The following NFIA variants were observed in gnomAD, a reference collection of about 807,000 sequenced individuals.
NFIA encodes nuclear factor I A, also known as nuclear factor 1 A-type.
NFIA carries 8 observed loss-of-function variants against 62.8 expected under a neutral mutation model. The ratio of observed to expected loss-of-function variants is 0.13; its 90% confidence interval spans 0.07 to 0.23. The LOEUF (loss-of-function observed/expected upper bound fraction) is 0.23, where lower values mean the gene tolerates loss of function less well. Among genes scored for constraint, NFIA ranks in the 10% least tolerant of loss-of-function variants. The probability of loss-of-function intolerance (pLI) is 1.00; values close to 1 mark genes in which losing one functional copy is unlikely to be tolerated. For missense variants in NFIA, 410 were observed against 642.1 expected, an observed-to-expected ratio of 0.64 and a Z score of 3.91; for synonymous variants, 235 against 238.1, an observed-to-expected ratio of 0.99 and a Z score of 0.12.
chr1:61,303,119 T>C (rs778304062), intron 3 of NFIA, among the ~76,000 whole-genome samples: 4 of 152,246 alleles, frequency 2.6e-5, no homozygotes, highest in Non-Finnish European at 5.9e-5. Flanking sequence ...TGTCTGCTTT[T>C]CATCTTCATT....
At chr1:61,083,941 T>C (rs1646171856) in intron 1 of NFIA, among the ~76,000 whole-genome samples, 1 of 151,940 alleles carries the variant, frequency 6.6e-6, no homozygotes, top group Non-Finnish European at 1.5e-5. Flanking sequence ...AGGCAAAATA[T>C]TGCTACTTCG....
At chr1:61,283,354 T>A (rs1658253933) in intron 3 of NFIA, among the ~76,000 whole-genome samples, 2 of 151,166 alleles carry the variant, frequency 1.3e-5, no homozygotes, top group Non-Finnish European at 2.9e-5. Context: ...GTGGATCACT[T>A]GAGGTCAGGA....
intron 2 of NFIA, among the ~76,000 whole-genome samples, chr1:61,196,776 T>A (rs139365633): frequency 0.012 from 1,870 of 152,264 alleles, 20 homozygotes; most frequent in Middle Eastern, 0.058. Flanking sequence ...TTTGTTGATA[T>A]CCAAAAATTA....
intron 3 of NFIA, among the ~76,000 whole-genome samples, chr1:61,293,473 T>TA (rs1202906132): frequency 1.3e-5 from 2 of 152,234 alleles, no homozygotes; most frequent in African/African-American, 4.8e-5. Flanking sequence ...CAGTTTCAAA[T>TA]ACGCCAGTCA....
upstream of NFIA, chr1:61,082,544 G>A (rs1646125359): frequency 7.0e-7 from 1 of 1,438,216 alleles, no homozygotes; most frequent in African/African-American, 1.4e-5. Context: ...ATAGTGGAGT[G>A]TAGGGAAACT....
At position 61,303,503 on chromosome 1, in the gene NFIA, G is replaced by C. The variant is rs182939387; in HGVS notation, c.625+25918G>C. 3.9e-5 allele frequency among the ~76,000 whole-genome samples: 6 copies of C among 152,292 alleles called. No homozygotes were observed. The East Asian group carries it at 1.2e-3, about 29-fold the overall frequency. ...GCCACAAACACATTGCTAAGAAGTT[G>C]ACATTTGAACAAGACCTAGAAAAGG... On this transcript the variant is annotated intron_variant, in intron 3 of 10. Coordinates refer to ENST00000403491, the MANE Select transcript of NFIA (RefSeq NM_001134673.4).
chr1:61,345,768 C>T (rs1330865130), intron 4 of NFIA, among the ~76,000 whole-genome samples: 1 of 152,172 alleles, frequency 6.6e-6, no homozygotes, highest in Non-Finnish European at 1.5e-5. Context: ...AAATCACCCC[C>T]CTACTCTGAT....
intron 2 of NFIA, among the ~76,000 whole-genome samples, chr1:61,123,899 G>A (rs538789804): frequency 6.6e-6 from 1 of 152,312 alleles, no homozygotes; most frequent in East Asian, 1.9e-4. Context: ...TTGAAATTGG[G>A]TGCAAGGGCA....
chr1:61,448,449 G>A (rs6684073), intron 10 of NFIA, among the ~76,000 whole-genome samples: 17,485 of 152,098 alleles, frequency 0.11, 2,844 homozygotes, highest in African/African-American at 0.36. Flanking sequence ...TGGGTCTCAC[G>A]TGGACCCTAA....
Position 61,248,525 on chromosome 1 carries a change from G to A in NFIA, c.560-28995G>A, listed in dbSNP as rs192092380. Among the ~76,000 whole-genome samples, 291 of 152,266 alleles carry A rather than the reference G, an allele frequency of 1.9e-3. 1 individual carries two copies. Among genetic ancestry groups the A allele is most frequent in the Non-Finnish European group, 3.0e-3 (201 of 68,036 alleles). On this transcript the variant is annotated intron_variant, in intron 2 of 10. Coordinates refer to ENST00000403491, the MANE Select transcript of NFIA (RefSeq NM_001134673.4). ...AATGGTGGCATCTTCCCAGAGCTGTGTGTTCTTTTGTTTGGAGCACAGCTG... is the reference window on the plus strand; with the variant it reads ...AATGGTGGCATCTTCCCAGAGCTGTATGTTCTTTTGTTTGGAGCACAGCTG...
At chr1:61,083,397 C>T (rs1162594793) in intron 1 of NFIA, among the ~76,000 whole-genome samples, 1 of 152,142 alleles carries the variant, frequency 6.6e-6, no homozygotes, top group African/African-American at 2.4e-5. Flanking sequence ...TCTTCCCGAA[C>T]TCTTACTTTT....
chr1:61,211,977 A>G (rs1019592158), intron 2 of NFIA, among the ~76,000 whole-genome samples: 6 of 152,088 alleles, frequency 3.9e-5, no homozygotes, highest in African/African-American at 1.2e-4. Flanking sequence ...ATTGGTTGCT[A>G]TTTTTCAAAT....
At chr1:61,412,433 G>A (rs533884661) in intron 9 of NFIA, among the ~76,000 whole-genome samples, 16 of 152,268 alleles carry the variant, frequency 1.1e-4, no homozygotes, top group African/African-American at 3.9e-4. Context: ...GAAGTAAGCG[G>A]GTTCCAGGTA....
intron 9 of NFIA, among the ~76,000 whole-genome samples, chr1:61,417,672 G>A (rs529658368): frequency 1.3e-5 from 2 of 151,978 alleles, no homozygotes; most frequent in Non-Finnish European, 1.5e-5. Flanking sequence ...AAGTTTGGGT[G>A]TTATCTTTTT....
rs115473727 is a variant in NFIA, at chr1:61,349,036, G to A, written c.701-3414G>A. On this transcript the variant is annotated intron_variant, in intron 4 of 10. Coordinates refer to ENST00000403491, the MANE Select transcript of NFIA (RefSeq NM_001134673.4). ...AGTACCTACTGTATGTCAGCTTGCT[G>A]GGAGTGAGGATGAGTGATCTAGGCT... 6.6e-3 allele frequency among the ~76,000 whole-genome samples: 1,009 copies of A among 152,288 alleles called. 11 individuals carry two copies. The highest frequency in any genetic ancestry group is 0.023 in the African/African-American group (950 of 41,542).
intron 2 of NFIA, among the ~76,000 whole-genome samples, chr1:61,275,327 G>A (rs1213432987): frequency 2.0e-5 from 3 of 152,020 alleles, no homozygotes; most frequent in Admixed American, 6.6e-5. Context: ...CTATGTATCT[G>A]TAAAGGTAGG....
chr1:61,207,706 C>A (rs1261654215), intron 2 of NFIA, among the ~76,000 whole-genome samples: 2 of 152,170 alleles, frequency 1.3e-5, no homozygotes, highest in African/African-American at 4.8e-5. Context: ...AACAGCAAAG[C>A]GATTCATGAG....
chr1:61,449,221 T>C (rs1242067108), intron 10 of NFIA, among the ~76,000 whole-genome samples: 1 of 152,210 alleles, frequency 6.6e-6, no homozygotes, highest in Non-Finnish European at 1.5e-5. Flanking sequence ...GGAGAGTGTC[T>C]GTCATTTGGG....
At chr1:61,355,594 T>TTTC (rs1314164722) in intron 5 of NFIA, among the ~76,000 whole-genome samples, 1 of 152,046 alleles carries the variant, frequency 6.6e-6, no homozygotes, top group Non-Finnish European at 1.5e-5. Context: ...AATTTTTTTT[T>TTTC]TTCTCCAATA....
Sources: allele counts gnomAD v4.1 joint callset (sites outside exome capture counted in the v4.1 genomes callset), GRCh38; gene constraint gnomAD v4.1.1; transcripts MANE v1.5; gene names NCBI Gene and HGNC (gene_info 2026-07-23, HGNC 2026-07-21).